The following BCAS3 variants were observed in gnomAD, a reference collection of about 807,000 sequenced individuals.
BCAS3 encodes the protein BCAS3 microtubule associated cell migration factor, also known as BCAS4/BCAS3 fusion.
BCAS3 carries 53 observed loss-of-function variants against 116.1 expected under a neutral mutation model. That is an observed-to-expected ratio of 0.46 (90% CI 0.37 to 0.57). The LOEUF is 0.57. Ranked by LOEUF, BCAS3 falls within the 20% of genes least tolerant of loss-of-function variation. The pLI is 0.00. For synonymous variants in BCAS3, 391 were observed against 408.2 expected, an observed-to-expected ratio of 0.96 and a Z score of 0.51; for missense variants, 917 against 1,165.4, an observed-to-expected ratio of 0.79 and a Z score of 3.10.
chr17:60,948,414 G>A (rs529611376), intron 14 of BCAS3, among the ~76,000 whole-genome samples: 170 of 152,206 alleles, frequency 1.1e-3, no homozygotes, highest in African/African-American at 3.4e-3. Context: ...ATGAGCCACC[G>A]CGCCTGGCCC....
At chr17:61,149,248 C>T (rs1351888373) in intron 22 of BCAS3, among the ~76,000 whole-genome samples, 3 of 152,038 alleles carry the variant, frequency 2.0e-5, no homozygotes, top group African/African-American at 7.2e-5. Context: ...CCTCCACAAA[C>T]CTGCTTTCCG....
At position 61,258,610 on chromosome 17, in the gene BCAS3, C is replaced by T. The variant is rs188876599; in HGVS notation, c.2426-109717C>T. Among the ~76,000 whole-genome samples the T allele has an allele frequency of 1.3e-5, 2 of 152,306 alleles. No homozygotes were observed. The highest frequency in any genetic ancestry group is 2.9e-5 in the Non-Finnish European group (2 of 68,022). On this transcript the variant is annotated intron_variant, in intron 22 of 23. Transcript: ENST00000407086. The surrounding 1 kb of genome is among the most constrained non-coding windows in gnomAD (Gnocchi z 4.7). ...GCGCTTAATAAATGTTAGACTGTTC[C>T]CCTTGATCATAATACAACATTGATT...
intron 6 of BCAS3, among the ~76,000 whole-genome samples, chr17:60,770,400 C>CTTTTTTTTTT (rs35691381): frequency 2.6e-5 from 2 of 76,874 alleles, no homozygotes; most frequent in African/African-American, 3.7e-5. Flanking sequence ...AGTGTTCCCT[C>CTTTTTTTTTT]TTTTTTTTTT....
chr17:61,333,201 TGAGA>T lies in BCAS3; in HGVS notation c.2426-35124_2426-35121del, dbSNP rs1368107373. Among the ~76,000 whole-genome samples, 1 of 152,112 alleles carries T rather than the reference TGAGA, an allele frequency of 6.6e-6. No individual in the cohort carries two copies. Among genetic ancestry groups the T allele is most frequent in the East Asian group, 1.9e-4 (1 of 5,188 alleles). ...GTGTGATCAGAGAAACAAAGTCTGG[TGAGA>T]GGAGCAAGTGCAGTTATGCACAGGG... On this transcript the variant is annotated intron_variant, in intron 22 of 23. Coordinates refer to ENST00000407086, the MANE Select transcript of BCAS3 (RefSeq NM_017679.5). This position sits in a 1 kb window ranked among gnomAD's most constrained non-coding sequence, Gnocchi z 4.8.
chr17:61,182,222 T>G (rs915037918), intron 22 of BCAS3, among the ~76,000 whole-genome samples: 6 of 152,216 alleles, frequency 3.9e-5, no homozygotes, highest in Non-Finnish European at 8.8e-5. Context: ...TATCCAGATA[T>G]TCTAAATTTT....
intron 6 of BCAS3, among the ~76,000 whole-genome samples, chr17:60,769,438 T>G (rs2044431856): frequency 6.6e-6 from 1 of 152,154 alleles, no homozygotes; most frequent in Admixed American, 6.5e-5. Flanking sequence ...TTGAAGCACA[T>G]GGAAGTGCCT....
At chr17:61,284,263 C>G (rs911124542) in intron 22 of BCAS3, among the ~76,000 whole-genome samples, 1 of 152,138 alleles carries the variant, frequency 6.6e-6, no homozygotes, top group African/African-American at 2.4e-5. Context: ...TGCTCAGGTT[C>G]CCTTCTATGT....
At chr17:61,250,800 C>T (rs893994565) in intron 22 of BCAS3, among the ~76,000 whole-genome samples, 42 of 152,198 alleles carry the variant, frequency 2.8e-4, no homozygotes, top group African/African-American at 9.9e-4. Flanking sequence ...CTTCAGCTTC[C>T]TCACCTGAAA....
intron 22 of BCAS3, among the ~76,000 whole-genome samples, chr17:61,317,513 G>C (rs1354161487): frequency 6.6e-6 from 1 of 152,190 alleles, no homozygotes; most frequent in Non-Finnish European, 1.5e-5. Flanking sequence ...CCAGGAAAAT[G>C]CAGCTCATGG....
intron 22 of BCAS3, among the ~76,000 whole-genome samples, chr17:61,129,140 T>C (rs1354464800): frequency 6.6e-6 from 1 of 152,210 alleles, no homozygotes; most frequent in African/African-American, 2.4e-5. Context: ...AGCACTAGGC[T>C]AGCCACCTGA....
At chr17:60,756,420 C>T (rs575332721) in intron 6 of BCAS3, among the ~76,000 whole-genome samples, 9 of 152,046 alleles carry the variant, frequency 5.9e-5, no homozygotes, top group African/African-American at 2.2e-4. Context: ...TATCCACCCC[C>T]CTTCCATCCA....
intron 15 of BCAS3, among the ~76,000 whole-genome samples, chr17:60,991,095 A>G (rs1354589175): frequency 6.6e-6 from 1 of 152,094 alleles, no homozygotes; most frequent in Non-Finnish European, 1.5e-5. Flanking sequence ...ATAACATTAA[A>G]CCACAATTCT....
In BCAS3 at chr17:61,343,135, G is replaced by A. The variant is rs2057291057; in HGVS notation, c.2426-25192G>A. ...CCCAGGCTCCTGGGCCACCGAGGAG[G>A]GTCAATTCGTGGAGGGGTGGCACCA... On this transcript the variant is annotated intron_variant, in intron 22 of 23. Coordinates refer to ENST00000407086, the MANE Select transcript of BCAS3 (RefSeq NM_017679.5). The surrounding 1 kb of genome is among the most constrained non-coding windows in gnomAD (Gnocchi z 5.5). 6.6e-6 allele frequency among the ~76,000 whole-genome samples: 1 copy of A among 152,206 alleles called. No homozygotes were observed. Among genetic ancestry groups the A allele is most frequent in the African/African-American group, 2.4e-5 (1 of 41,460 alleles).
intron 22 of BCAS3, among the ~76,000 whole-genome samples, chr17:61,165,081 C>T (rs4968531): frequency 0.73 from 111,167 of 152,166 alleles, 41,665 homozygotes; most frequent in South Asian, 0.9. Context: ...TGGGAGAAGG[C>T]AAGCAGTAAC....
At chr17:60,867,443 G>A (rs1038178745) in intron 7 of BCAS3, among the ~76,000 whole-genome samples, 2 of 151,978 alleles carry the variant, frequency 1.3e-5, no homozygotes, top group Non-Finnish European at 2.9e-5. Context: ...TTCTTCTTGT[G>A]TAGATATATT....
chr17:61,289,014 C>T (rs950933122), intron 22 of BCAS3, among the ~76,000 whole-genome samples: 1 of 152,258 alleles, frequency 6.6e-6, no homozygotes, highest in African/African-American at 2.4e-5. Flanking sequence ...CTAATGGCCC[C>T]TCTGCACATT....
intron 22 of BCAS3, among the ~76,000 whole-genome samples, chr17:61,269,268 C>T (rs1232101379): frequency 7.2e-5 from 11 of 151,954 alleles, no homozygotes; most frequent in Admixed American, 7.2e-4. Flanking sequence ...GCATGCACCA[C>T]CACACCTGGC....
intron 6 of BCAS3, among the ~76,000 whole-genome samples, chr17:60,791,719 C>T (rs2046779963): frequency 6.6e-6 from 1 of 152,210 alleles, no homozygotes. Flanking sequence ...CCCCTGGCTA[C>T]ACTTTCCAAA....
At chr17:61,308,625 G>A (rs1025964241) in intron 22 of BCAS3, among the ~76,000 whole-genome samples, 1 of 152,028 alleles carries the variant, frequency 6.6e-6, no homozygotes, top group African/African-American at 2.4e-5. Flanking sequence ...CAGAGGCAGG[G>A]GGGTGGGGGT....
Sources: gnomAD v4.1 joint callset for allele counts (sites outside exome capture counted in the v4.1 genomes callset) on GRCh38, gnomAD v4.1.1 for gene constraint, Gnocchi (gnomAD v3.1) non-coding constraint, MANE v1.5 for transcripts, NCBI Gene and HGNC (gene_info 2026-07-23, HGNC 2026-07-21) for gene names.